Variants in SUMF1 observed in about 807,000 individuals in gnomAD.
The protein encoded by SUMF1 is formylglycine-generating enzyme.
Under a neutral mutation model 47.6 loss-of-function variants are expected in SUMF1, and 48 were observed. That is an observed-to-expected ratio of 1.01 (90% CI 0.80 to 1.28). The LOEUF is 1.28. Among genes scored for constraint, SUMF1 ranks in the 50% most tolerant of loss-of-function variants. The probability of loss-of-function intolerance (pLI) is 0.00; values close to 1 mark genes in which losing one functional copy is unlikely to be tolerated. For synonymous variants in SUMF1, 230 were observed against 192.1 expected (o/e 1.20, Z -1.63); for missense variants, 571 against 485.4 (o/e 1.18, Z -1.66).
At chr3:4,116,308 G>A (rs761087021) in intron 8 of SUMF1, among the ~76,000 whole-genome samples, 2 of 152,178 alleles carry the variant, frequency 1.3e-5, no homozygotes, top group Middle Eastern at 3.4e-3. Flanking sequence ...TTCAAGAAAC[G>A]CAAGTAAGAA....
At position 4,158,572 on chromosome 3, in the gene SUMF1, G is replaced by C. The variant is rs184380664; in HGVS notation, c.1015-89827C>G. 1.3e-3 allele frequency among the ~76,000 whole-genome samples: 195 copies of C among 151,452 alleles called. 11 individuals are homozygous for C. Among genetic ancestry groups the C allele is most frequent in the African/African-American group, 4.6e-3 (188 of 40,876 alleles). ...GAAGTCTCTAGCTATTGTTGTATTG[G>C]GGTCTATCTCTCTCTTTACCTCTAA... On this transcript the variant is annotated intron_variant and NMD_transcript_variant, in intron 8 of 12. Coordinates refer to the SUMF1 transcript ENST00000448413.
intron 8 of SUMF1, among the ~76,000 whole-genome samples, chr3:4,266,047 C>A (rs377131744): frequency 2.0e-5 from 3 of 152,058 alleles, no homozygotes; most frequent in African/African-American, 7.2e-5. Flanking sequence ...TGTAGACATG[C>A]GGCGTTATTT....
At chr3:4,253,764 C>T (rs1347541003) in intron 8 of SUMF1, among the ~76,000 whole-genome samples, 2 of 145,204 alleles carry the variant, frequency 1.4e-5, no homozygotes, top group Non-Finnish European at 3.0e-5. Context: ...CCCACCACAG[C>T]TCAAGGAGGC....
At chr3:4,218,388 A>C (rs1236692461) in intron 8 of SUMF1, among the ~76,000 whole-genome samples, 1 of 152,188 alleles carries the variant, frequency 6.6e-6, no homozygotes, top group Non-Finnish European at 1.5e-5. Flanking sequence ...TTTCCTTTTT[A>C]TTGAAGACAC....
chr3:4,281,353 G>C (rs1400568722), intron 8 of SUMF1, among the ~76,000 whole-genome samples: 1 of 152,106 alleles, frequency 6.6e-6, no homozygotes. Flanking sequence ...CTGTGAGAGA[G>C]AGAGAAAAAG....
In SUMF1 at chr3:4,239,982, T is replaced by G. The variant is rs558876521; in HGVS notation, c.1014+136348A>C. On this transcript the variant is annotated intron_variant and NMD_transcript_variant, in intron 8 of 12. Coordinates refer to the SUMF1 transcript ENST00000448413. Reference sequence around the variant, plus strand: ...ATTGAGAGTTTTTAGCATGAAGAGGTGTTGAATTTTGTTGAAGGCCCTTTC... The same window carrying G: ...ATTGAGAGTTTTTAGCATGAAGAGGGGTTGAATTTTGTTGAAGGCCCTTTC... Among the ~76,000 whole-genome samples the G allele has an allele frequency of 7.2e-5, 11 of 152,140 alleles. No individual in the cohort carries two copies. In the East Asian group the frequency reaches 2.1e-3, roughly 29 times the overall value.
intron 7 of SUMF1, among the ~76,000 whole-genome samples, chr3:4,381,344 G>T (rs1700498293): frequency 6.6e-6 from 1 of 152,158 alleles, no homozygotes; most frequent in Non-Finnish European, 1.5e-5. Flanking sequence ...GGGAAAGGGT[G>T]GGAAGGGGGT....
At chr3:4,380,750 G>A (rs115652345) in intron 7 of SUMF1, among the ~76,000 whole-genome samples, 2 of 152,074 alleles carry the variant, frequency 1.3e-5, no homozygotes, top group African/African-American at 4.8e-5. Flanking sequence ...TTGCATGGTC[G>A]CAAGAACAGC....
intron 8 of SUMF1, among the ~76,000 whole-genome samples, chr3:4,180,160 G>C (rs1430022496): frequency 1.3e-5 from 2 of 152,172 alleles, no homozygotes; most frequent in Non-Finnish European, 2.9e-5. Context: ...TCTAGAACTA[G>C]AATTACCATT....
chr3:4,277,330 A>G (rs906133179), intron 8 of SUMF1, among the ~76,000 whole-genome samples: 5 of 152,202 alleles, frequency 3.3e-5, no homozygotes, highest in African/African-American at 1.2e-4. Context: ...TCTTTCCATT[A>G]CCTTATCAAC....
intron 8 of SUMF1, among the ~76,000 whole-genome samples, chr3:4,374,125 T>C (rs1277154501): frequency 1.3e-5 from 2 of 152,206 alleles, no homozygotes; most frequent in Non-Finnish European, 2.9e-5. Flanking sequence ...AGATCAAGAA[T>C]GAGGTATGAA....
chr3:4,443,418 A>G (rs1403109765), intron 3 of SUMF1, among the ~76,000 whole-genome samples: 1 of 152,180 alleles, frequency 6.6e-6, no homozygotes, highest in African/African-American at 2.4e-5. Flanking sequence ...TCATTTCAGA[A>G]ATAAACAGAT....
At chr3:4,114,562 G>A (rs926517903) in intron 8 of SUMF1, among the ~76,000 whole-genome samples, 4 of 151,926 alleles carry the variant, frequency 2.6e-5, no homozygotes, top group African/African-American at 9.7e-5. Flanking sequence ...ATTACATTTT[G>A]TAAGTACTTT....
intron 7 of SUMF1, among the ~76,000 whole-genome samples, chr3:4,391,518 C>T (rs1330820579): frequency 2.6e-5 from 4 of 152,206 alleles, no homozygotes; most frequent in Admixed American, 6.5e-5. Flanking sequence ...GGGTCTCACT[C>T]TGTCACCCAG....
At chr3:4,047,336 A>T (rs1029845168) in intron 9 of SUMF1, among the ~76,000 whole-genome samples, 1 of 152,138 alleles carries the variant, frequency 6.6e-6, no homozygotes, top group Non-Finnish European at 1.5e-5. Context: ...TTTCACTGCT[A>T]TATCCCCAAC....
rs748685310 is a variant in SUMF1 at position 4,285,007 on chromosome 3, G to A, written c.1014+91323C>T. ...TCTCTAATAACCGCTGATCATCTTCGTCTCACAAGTAAGATGAGGCTTTCT... is the reference window on the plus strand; with the variant it reads ...TCTCTAATAACCGCTGATCATCTTCATCTCACAAGTAAGATGAGGCTTTCT... On this transcript the variant is annotated intron_variant and NMD_transcript_variant, in intron 8 of 12. Transcript: ENST00000448413. Among the ~76,000 whole-genome samples the A allele has an allele frequency of 1.3e-4, 20 of 152,002 alleles. No individual in the cohort carries two copies. In the South Asian group the frequency reaches 2.5e-3, roughly 19 times the overall value.
chr3:4,465,235 G>A (rs1191639215), intron 1 of SUMF1, among the ~76,000 whole-genome samples: 3 of 152,232 alleles, frequency 2.0e-5, no homozygotes, highest in Non-Finnish European at 2.9e-5. Flanking sequence ...CCAGCACGCT[G>A]GGAGGCCAAG....
intron 4 of SUMF1, 54 bp from the exon 5 acceptor site, chr3:4,418,186 G>A (rs1315184789): frequency 6.8e-6 from 11 of 1,611,984 alleles, no homozygotes; most frequent in Admixed American, 3.3e-5. Context: ...ACAAGAAGCA[G>A]GAGCTGGCTT....
chr3:4,418,020 G>A lies in SUMF1; in HGVS notation c.715C>T (p.Leu239=), dbSNP rs779864102. 29 of 1,613,790 alleles carry A rather than the reference G, an allele frequency of 1.8e-5. No individual in the cohort carries two copies. In the Admixed American group the frequency reaches 3.7e-4, roughly 20 times the overall value. Residue 239 remains leucine, a synonymous_variant, in exon 5 of 9, where the codon CTG becomes TTG. Coordinates refer to ENST00000272902, the MANE Select transcript of SUMF1 (RefSeq NM_182760.4). ...AGATCCTCTAAATACCTATTATGCA[G>A]GCCTCCTCGACAGCTGTATTCCCAC... ...AEWEYSCRGG[L]HNRLFPWGNK...
Sources: gnomAD v4.1 joint callset for allele counts (sites outside exome capture counted in the v4.1 genomes callset) on GRCh38, gnomAD v4.1.1 for gene constraint, MANE v1.5 for transcripts, NCBI Gene and HGNC (gene_info 2026-07-23, HGNC 2026-07-21) for gene names.